Variants in FAM228B observed in about 807,000 individuals in gnomAD.
The protein encoded by FAM228B is protein FAM228B.
Under a neutral mutation model 42.6 loss-of-function variants are expected in FAM228B, and 38 were observed. The observed-to-expected ratio is 0.89, with a 90% CI of 0.69 to 1.17. The LOEUF (loss-of-function observed/expected upper bound fraction) is 1.17, where lower values mean the gene tolerates loss of function less well. FAM228B is among the 50% of genes most tolerant of loss of function. The probability of loss-of-function intolerance (pLI) is 0.00; values close to 1 mark genes in which losing one functional copy is unlikely to be tolerated. For missense variants in FAM228B, 344 were observed against 367.3 expected, an observed-to-expected ratio of 0.94 and a Z score of 0.52; for synonymous variants, 109 against 122.3, an observed-to-expected ratio of 0.89 and a Z score of 0.72.
chr2:24,099,922 CA>C (rs1665573124), intron 3 of FAM228B, among the ~76,000 whole-genome samples: 1 of 152,132 alleles, frequency 6.6e-6, no homozygotes, highest in Non-Finnish European at 1.5e-5. Flanking sequence ...AAAACAGATA[CA>C]TAGACCAATG....
chr2:24,128,658 ACC>A (rs1233894682), intron 2 of FAM228B, among the ~76,000 whole-genome samples: 1 of 151,628 alleles, frequency 6.6e-6, no homozygotes, highest in Non-Finnish European at 1.5e-5. Flanking sequence ...GTGAATTTTA[ACC>A]ATATTGAGTA....
chr2:24,087,387 A>G (rs1665284428), intron 2 of FAM228B: 1 of 152,082 alleles, frequency 6.6e-6, no homozygotes, highest in Admixed American at 6.6e-5. Context: ...GCCAATAAGT[A>G]TCTTTTATTA....
chr2:24,135,137 A>G lies in FAM228B; in HGVS notation c.118A>G (p.Thr40Ala). Reference sequence around the variant, plus strand: ...CTTTCAGGTTTTAGCTAAAGAAGATACTGAGGCAGCTATTCAATCAATATT... The same window carrying G: ...CTTTCAGGTTTTAGCTAAAGAAGATGCTGAGGCAGCTATTCAATCAATATT... ...CFMEVLAKED[T>A]EAAIQSILYK... is the part of the protein sequence containing the mutation. Residue 40 changes from threonine (T) to alanine (A), a missense_variant, in exon 3 of 11, where the codon ACT becomes GCT. Physicochemically the swap from Thr to Ala is moderately conservative, Grantham distance 58 (BLOSUM62 0). Coordinates refer to ENST00000615575, the MANE Select transcript of FAM228B (RefSeq NM_001145710.2). The G allele has an allele frequency of 6.6e-7, 1 of 1,513,348 alleles. No homozygotes were observed. Among genetic ancestry groups the G allele is most frequent in the Non-Finnish European group, 8.9e-7 (1 of 1,120,270 alleles). 93.7% of individuals were successfully genotyped at this position (1,513,348 alleles called of 1,614,324 possible).
chr2:24,086,052 G>A (rs1297902075), intron 2 of FAM228B, among the ~76,000 whole-genome samples: 2 of 151,938 alleles, frequency 1.3e-5, no homozygotes, highest in African/African-American at 2.4e-5. Flanking sequence ...TGGCTAACAC[G>A]GTGAAACCCC....
chr2:24,153,936 G>A (rs138229539), intron 7 of FAM228B, among the ~76,000 whole-genome samples: 31 of 152,328 alleles, frequency 2.0e-4, no homozygotes, highest in African/African-American at 5.5e-4. Context: ...CTTCCTGAGC[G>A]GGTGCTGGCT....
At chr2:24,093,439 A>G (rs1218491655) in intron 2 of FAM228B, among the ~76,000 whole-genome samples, 1 of 151,978 alleles carries the variant, frequency 6.6e-6, no homozygotes, top group Non-Finnish European at 1.5e-5. Context: ...GCTGAGGATG[A>G]TGGTTTCCAG....
intron 3 of FAM228B, among the ~76,000 whole-genome samples, chr2:24,101,705 C>T (rs1558370875): frequency 2.6e-5 from 4 of 151,932 alleles, no homozygotes; most frequent in Non-Finnish European, 4.4e-5. Context: ...TTTTTAAAGA[C>T]GGGGTCTCGC....
intron 3 of FAM228B, among the ~76,000 whole-genome samples, chr2:24,107,515 CCAGA>C (rs1665721225): frequency 1.3e-5 from 2 of 152,096 alleles, no homozygotes; most frequent in Admixed American, 6.6e-5. Flanking sequence ...CCAAAATCAA[CCAGA>C]CAATCAGACA....
chr2:24,115,749 C>T, intron 3 of FAM228B: 1 of 880,020 alleles, frequency 1.1e-6, no homozygotes, highest in Non-Finnish European at 1.8e-6. Flanking sequence ...ACTGGAGAAA[C>T]AAGGGTGACT....
chr2:24,084,190 T>A lies in FAM228B; in HGVS notation c.-210+3235T>A. 1.2e-6 allele frequency: 2 copies of A among 1,611,240 alleles called. No homozygotes were observed. The highest frequency in any genetic ancestry group is 1.7e-6 in the Non-Finnish European group (2 of 1,179,044). ...CCGGCGCGGCTGAGCCCTGGGTACC[T>A]GCATTAAGTCCGCCCGGTTCAGGGC... On this transcript the variant is annotated intron_variant, in intron 2 of 10. Transcript: ENST00000613899. This position sits in a 1 kb window ranked among gnomAD's most constrained non-coding sequence, Gnocchi z 8.4.
intron 1 of FAM228B, chr2:24,079,547 T>C (rs774123801): frequency 3.1e-6 from 5 of 1,614,136 alleles, no homozygotes; most frequent in Non-Finnish European, 4.2e-6. Flanking sequence ...CATCAGACCA[T>C]AGAGAACCCA....
intron 2 of FAM228B, among the ~76,000 whole-genome samples, chr2:24,131,180 G>T (rs547639820): frequency 6.6e-6 from 1 of 152,230 alleles, no homozygotes; most frequent in East Asian, 1.9e-4. Flanking sequence ...CTGTTCCATT[G>T]GTCTATATGT....
At chr2:24,103,703 C>T (rs1665650167) in intron 3 of FAM228B, among the ~76,000 whole-genome samples, 1 of 152,192 alleles carries the variant, frequency 6.6e-6, no homozygotes, top group South Asian at 2.1e-4. Context: ...GGTGAGCTGC[C>T]AAGAGGCTTC....
intron 7 of FAM228B, among the ~76,000 whole-genome samples, chr2:24,153,992 A>T (rs1465751006): frequency 1.3e-5 from 2 of 152,154 alleles, no homozygotes; most frequent in African/African-American, 4.8e-5. Context: ...GCAGAACCGA[A>T]TTCAGCATAA....
chr2:24,120,425 T>A (rs570741019), upstream of FAM228B, among the ~76,000 whole-genome samples: 20 of 152,374 alleles, frequency 1.3e-4, no homozygotes, highest in African/African-American at 4.6e-4. Context: ...AGCCTCAGTG[T>A]CCTCATCTGT....
chr2:24,081,891 T>C (rs1665021813), intron 2 of FAM228B, among the ~76,000 whole-genome samples: 1 of 151,962 alleles, frequency 6.6e-6, no homozygotes, highest in Non-Finnish European at 1.5e-5. Context: ...GAGATGAAGT[T>C]TCACCGTGTT....
intron 5 of FAM228B, among the ~76,000 whole-genome samples, 187 bp from the exon 6 acceptor site, chr2:24,146,561 G>T (rs934484030): frequency 6.6e-6 from 1 of 152,120 alleles, no homozygotes; most frequent in Non-Finnish European, 1.5e-5. Flanking sequence ...TTTAAGAGAG[G>T]TATTGATATA....
At chr2:24,127,636 C>G (rs933242428) in intron 2 of FAM228B, among the ~76,000 whole-genome samples, 1 of 151,614 alleles carries the variant, frequency 6.6e-6, no homozygotes, top group Non-Finnish European at 1.5e-5. Context: ...TTTATAGTTT[C>G]TGACAAATCT....
intron 5 of FAM228B, among the ~76,000 whole-genome samples, chr2:24,144,753 T>A (rs1666854375): frequency 1.3e-5 from 2 of 152,112 alleles, no homozygotes; most frequent in African/African-American, 4.8e-5. Context: ...TCACCTAGGC[T>A]GAAACATACA....
Sources: allele counts gnomAD v4.1 joint callset (sites outside exome capture counted in the v4.1 genomes callset), GRCh38; gene constraint gnomAD v4.1.1; non-coding constraint Gnocchi (gnomAD v3.1); transcripts MANE v1.5; gene names NCBI Gene and HGNC (gene_info 2026-07-23, HGNC 2026-07-21).